FRMPD4: variants seen among roughly 807,000 people sequenced by gnomAD.
The protein encoded by FRMPD4 is FERM and PDZ domain containing 4, also known as FERM and PDZ domain-containing protein 4.
In FRMPD4, 22 loss-of-function variants were observed where a neutral mutation model predicts 94.1. The observed-to-expected ratio is 0.23, with a 90% CI of 0.17 to 0.33. The LOEUF (loss-of-function observed/expected upper bound fraction) is 0.33, where lower values mean the gene tolerates loss of function less well. Among genes scored for constraint, FRMPD4 ranks in the 10% least tolerant of loss-of-function variants. FRMPD4 has a pLI of 1.00. For synonymous variants in FRMPD4, 631 were observed against 548.6 expected (o/e 1.15, Z -2.10); for missense variants, 1,111 against 1,339.9 (o/e 0.83, Z 2.67).
intron 3 of FRMPD4, among the ~76,000 whole-genome samples, chrX:12,126,247 G>A (rs764238566): frequency 8.9e-5 from 10 of 112,193 alleles, no homozygotes; most frequent in African/African-American, 3.2e-4. Flanking sequence ...AAGAACCATA[G>A]AGAAGGACAT....
intron 1 of FRMPD4, among the ~76,000 whole-genome samples, chrX:12,187,028 T>C (rs2056433341): frequency 8.9e-6 from 1 of 112,554 alleles, no homozygotes; most frequent in Admixed American, 9.4e-5. Context: ...TAATTTTTTC[T>C]CCTCTGATCA....
At chrX:12,569,897 C>T (rs2058745975) in intron 2 of FRMPD4, among the ~76,000 whole-genome samples, 1 of 111,892 alleles carries the variant, frequency 8.9e-6, no homozygotes, top group Admixed American at 9.5e-5. Flanking sequence ...TCTAGCACCT[C>T]CTATGTAGTT....
At chrX:12,516,899 C>CTTT (rs35098575) in intron 2 of FRMPD4, among the ~76,000 whole-genome samples, 1 of 68,425 alleles carries the variant, frequency 1.5e-5, no homozygotes, top group Non-Finnish European at 2.8e-5. Context: ...CCTTTTCGTT[C>CTTT]TTTTTTTTTT....
At chrX:12,419,137 A>C (rs1250434161) in intron 1 of FRMPD4, among the ~76,000 whole-genome samples, 4 of 111,758 alleles carry the variant, frequency 3.6e-5, no homozygotes, top group Non-Finnish European at 7.5e-5. Context: ...GGAAAGTAGA[A>C]TCTACTGGAT....
intron 2 of FRMPD4, among the ~76,000 whole-genome samples, chrX:12,559,623 C>T (rs2058631030): frequency 1.0e-5 from 1 of 98,087 alleles, no homozygotes; most frequent in African/African-American, 3.9e-5. Flanking sequence ...ACACTCCAGC[C>T]GAGGTGATAG....
intron 1 of FRMPD4, among the ~76,000 whole-genome samples, chrX:12,348,290 T>C (rs1307916520): frequency 1.8e-5 from 2 of 112,028 alleles, no homozygotes; most frequent in African/African-American, 6.5e-5. Context: ...CTCCATCCAC[T>C]GAAGTCAACC....
At chrX:11,903,304 A>G (rs1418740614) in intron 3 of FRMPD4, among the ~76,000 whole-genome samples, 1 of 112,691 alleles carries the variant, frequency 8.9e-6, no homozygotes, top group African/African-American at 3.2e-5. Flanking sequence ...TTTAATATTT[A>G]TGCTTAGGTA....
chrX:12,597,605 T>C (rs1213532267), intron 2 of FRMPD4, among the ~76,000 whole-genome samples: 1 of 112,713 alleles, frequency 8.9e-6, no homozygotes, highest in African/African-American at 3.2e-5. Flanking sequence ...AATAATATTC[T>C]GATTCATAAA....
At position 12,716,856 on chromosome X, in the gene FRMPD4, G is replaced by A. The variant is rs1288711453; in HGVS notation, c.2397G>A (p.Leu799=). The stretch of plus-strand genomic sequence containing the variant: ...GTGATGACAATGAGGATGACTTCCT[G>A]TTGCGTTCCTTGAACATGGCCATTG... The part of the protein sequence containing the change: ...PEGDDNEDDF[L]LRSLNMAIAA... The change falls in exon 15 of 17, where the codon CTG becomes CTA. Residue 799 remains leucine (L), a synonymous_variant. Coordinates refer to ENST00000675598, the MANE Select transcript of FRMPD4 (RefSeq NM_001368397.1). 3.3e-6 allele frequency: 4 copies of A among 1,210,189 alleles called. No homozygotes were observed. The highest frequency in any genetic ancestry group is 4.5e-6 in the Non-Finnish European group (4 of 895,219).
chrX:12,422,572 C>T (rs776047241), intron 1 of FRMPD4, among the ~76,000 whole-genome samples: 2 of 111,816 alleles, frequency 1.8e-5, no homozygotes, highest in Non-Finnish European at 3.8e-5. Flanking sequence ...GCCTGGTACC[C>T]AGGAGAAACT....
rs758221625 is a variant in FRMPD4 at position 12,175,495 on chromosome X, C to A, written c.41+36483C>A. On this transcript the variant is annotated intron_variant, in intron 1 of 16. Transcript: ENST00000675598. The stretch of plus-strand genomic sequence containing the variant: ...GTTCTTGAGCTCCACCCCAGATGCA[C>A]TGAATCAAAAATTCAGTACGTATTT... Among the ~76,000 whole-genome samples the A allele has an allele frequency of 1.1e-4, 12 of 111,684 alleles. No homozygotes were observed. In the South Asian group the frequency reaches 4.2e-3, roughly 39 times the overall value.
At chrX:11,916,378 A>G (rs2054024840) in intron 3 of FRMPD4, among the ~76,000 whole-genome samples, 1 of 111,256 alleles carries the variant, frequency 9.0e-6, no homozygotes, top group African/African-American at 3.3e-5. Context: ...TATCAAAGAT[A>G]ACTATGGTGA....
intron 3 of FRMPD4, among the ~76,000 whole-genome samples, chrX:12,035,846 C>G (rs1363787831): frequency 9.0e-6 from 1 of 111,497 alleles, no homozygotes; most frequent in Non-Finnish European, 1.9e-5. Flanking sequence ...AAATCTGTGC[C>G]TTGAAATGAT....
intron 3 of FRMPD4, among the ~76,000 whole-genome samples, chrX:11,950,421 G>C (rs1035640855): frequency 9.0e-6 from 1 of 111,517 alleles, no homozygotes; most frequent in Non-Finnish European, 1.9e-5. Flanking sequence ...TGTTTGGTGA[G>C]AGCACCTGAA....
intron 1 of FRMPD4, among the ~76,000 whole-genome samples, chrX:11,839,712 C>T (rs900740799): frequency 4.5e-5 from 5 of 111,372 alleles, no homozygotes; most frequent in African/African-American, 1.6e-4. Context: ...AGTTAATTTT[C>T]ATGTGTGGTA....
At chrX:12,355,628 C>T (rs899826120) in intron 1 of FRMPD4, among the ~76,000 whole-genome samples, 1 of 111,885 alleles carries the variant, frequency 8.9e-6, no homozygotes, top group Non-Finnish European at 1.9e-5. Context: ...TTTTCTTCCT[C>T]CAGAATGAGA....
intron 1 of FRMPD4, among the ~76,000 whole-genome samples, chrX:12,368,989 C>T (rs781604251): frequency 1.0e-3 from 113 of 111,216 alleles, no homozygotes; most frequent in African/African-American, 3.7e-3. Context: ...ACAGTTTCTG[C>T]CTGTCCTCCT....
chrX:12,257,911 G>A (rs933658595), intron 1 of FRMPD4, among the ~76,000 whole-genome samples: 1 of 108,771 alleles, frequency 9.2e-6, no homozygotes, highest in East Asian at 2.9e-4. Context: ...CCTTCTTCGC[G>A]GTGTCGTGCC....
At chrX:12,113,127 A>G (rs1379896810) in intron 3 of FRMPD4, among the ~76,000 whole-genome samples, 1 of 112,052 alleles carries the variant, frequency 8.9e-6, no homozygotes, top group Non-Finnish European at 1.9e-5. Context: ...TGGTCAGGTC[A>G]TCTTTTTATG....
Sources: gnomAD v4.1 joint callset for allele counts (sites outside exome capture counted in the v4.1 genomes callset) on GRCh38, gnomAD v4.1.1 for gene constraint, MANE v1.5 for transcripts, NCBI Gene and HGNC (gene_info 2026-07-23, HGNC 2026-07-21) for gene names.